Variants in PDZD9 observed in about 807,000 individuals in gnomAD.
The protein encoded by PDZD9 is PDZ domain-containing protein 9.
PDZD9 carries 13 observed loss-of-function variants against 16.3 expected under a neutral mutation model. The observed-to-expected ratio is 0.80, with a 90% CI of 0.52 to 1.27. The LOEUF (loss-of-function observed/expected upper bound fraction) is 1.27. Among genes scored for constraint, PDZD9 ranks in the 50% most tolerant of loss-of-function variants. The pLI, the probability that PDZD9 is intolerant of heterozygous loss-of-function variation, is 0.00. For synonymous variants in PDZD9, 120 were observed against 111.0 expected (o/e 1.08, Z -0.51); for missense variants, 288 against 310.9 (o/e 0.93, Z 0.55).
At chr16:21,988,926 G>C in intron 2 of PDZD9, 135 bp from the exon 3 acceptor site, 10 of 527,256 alleles carry the variant, frequency 1.9e-5, no homozygotes, top group Non-Finnish European at 2.4e-5. Flanking sequence ...CCAGGCTTCA[G>C]CCTTTTTTTT....
At position 21,988,843 on chromosome 16, in the gene PDZD9, A is replaced by G. The variant is rs140200215; in HGVS notation, c.212-52T>C. 2,464 of 1,414,256 alleles carry G rather than the reference A, an allele frequency of 1.7e-3. 61 individuals are homozygous for G. The East Asian group carries it at 0.05, about 29-fold the overall frequency. The allele number at this position is 1,414,256 out of a possible 1,614,324, so 87.6% of individuals were successfully genotyped here. On this transcript the variant is annotated intron_variant, in intron 2 of 3. Coordinates refer to ENST00000424898, the MANE Select transcript of PDZD9 (RefSeq NM_001363519.1). The stretch of plus-strand genomic sequence containing the variant: ...GTAAAACTAGAGGTTTAAAGGGACT[A>G]TATTGATTTCTGGCTTTATTGTGAG...
chr16:21,990,736 G>A (rs763176401), intron 2 of PDZD9, among the ~76,000 whole-genome samples: 5 of 152,220 alleles, frequency 3.3e-5, no homozygotes, highest in Admixed American at 3.3e-4. Context: ...TGAAAGCTAT[G>A]GCTTGGCATT....
chr16:21,986,325 G>A (rs906083360), intron 3 of PDZD9, among the ~76,000 whole-genome samples: 3 of 152,228 alleles, frequency 2.0e-5, no homozygotes, highest in African/African-American at 7.2e-5. Context: ...GTGGGTTTTC[G>A]CCTCTTACTT....
chr16:21,958,836 T>C, the PDZD9 span, among the ~76,000 whole-genome samples: 1 of 152,174 alleles, frequency 6.6e-6, no homozygotes. Context: ...ATGTTGCAGG[T>C]TCTGTTCCAG....
chr16:22,000,373 G>C (rs1285352313), intron 1 of PDZD9, among the ~76,000 whole-genome samples: 1 of 147,514 alleles, frequency 6.8e-6, no homozygotes, highest in Non-Finnish European at 1.5e-5. Context: ...AAAAAAAAAC[G>C]CTGTAAAAAA....
At chr16:21,967,023 A>G in the PDZD9 span, among the ~76,000 whole-genome samples, 1 of 152,162 alleles carries the variant, frequency 6.6e-6, no homozygotes, top group Admixed American at 6.5e-5. Context: ...TTTTTTTAAT[A>G]AAAGGTATGT....
chr16:21,991,624 A>G (rs571944914), intron 2 of PDZD9, among the ~76,000 whole-genome samples: 42 of 152,200 alleles, frequency 2.8e-4, no homozygotes, highest in Admixed American at 4.6e-4. Context: ...ATAAACTAAC[A>G]CTAAACTAAA....
the PDZD9 span, among the ~76,000 whole-genome samples, chr16:21,967,685 G>T: frequency 6.6e-6 from 1 of 152,120 alleles, no homozygotes; most frequent in African/African-American, 2.4e-5. Flanking sequence ...AGTCTGTAGG[G>T]TAAGTCCCAA....
the PDZD9 span, among the ~76,000 whole-genome samples, chr16:21,970,707 T>G: frequency 4.6e-5 from 7 of 152,186 alleles, no homozygotes; most frequent in African/African-American, 1.7e-4. Context: ...GGCCTCAGCC[T>G]CCCGAGTAGC....
At chr16:21,969,791 C>G in the PDZD9 span, among the ~76,000 whole-genome samples, 1 of 151,996 alleles carries the variant, frequency 6.6e-6, no homozygotes, top group South Asian at 2.1e-4. Context: ...CATCATCCCC[C>G]CAAAAGCCCC....
intron 2 of PDZD9, among the ~76,000 whole-genome samples, chr16:21,994,454 A>G (rs1331069550): frequency 2.0e-5 from 3 of 152,220 alleles, no homozygotes; most frequent in Non-Finnish European, 4.4e-5. Context: ...CTGAGAAAAC[A>G]CCTCTTGAAC....
the PDZD9 span, chr16:21,971,972 A>G: frequency 1.1e-5 from 17 of 1,614,146 alleles, no homozygotes; most frequent in Non-Finnish European, 1.4e-5. Context: ...CTGCTTTTGT[A>G]GCAGAAAGTG....
At chr16:21,976,688 C>G in the PDZD9 span, 2 of 153,018 alleles carry the variant, frequency 1.3e-5, no homozygotes, top group African/African-American at 4.8e-5. Context: ...CCTAATAACC[C>G]AGTCATCCAG....
the PDZD9 span, among the ~76,000 whole-genome samples, chr16:21,968,076 A>G: frequency 6.9e-6 from 1 of 143,924 alleles, no homozygotes; most frequent in Non-Finnish European, 1.5e-5. Context: ...ATCTCAGCTC[A>G]CTGCAACCTC....
downstream of PDZD9, chr16:21,980,543 A>G: frequency 3.1e-6 from 5 of 1,612,280 alleles, no homozygotes; most frequent in South Asian, 1.1e-5. Context: ...CTTTTATTGG[A>G]CAGGAACAAG....
the PDZD9 span, chr16:21,971,758 T>C: frequency 1.5e-6 from 2 of 1,322,896 alleles, no homozygotes; most frequent in Non-Finnish European, 2.1e-6. Context: ...GTGTTGTATT[T>C]TGAGCATATG....
the PDZD9 span, among the ~76,000 whole-genome samples, chr16:21,962,019 C>T: frequency 4.6e-5 from 7 of 152,124 alleles, no homozygotes; most frequent in African/African-American, 1.2e-4. Flanking sequence ...CATTCAGCTC[C>T]GGAACTTTTC....
chr16:21,962,661 A>T, the PDZD9 span: 57 of 1,595,582 alleles, frequency 3.6e-5, no homozygotes, highest in Non-Finnish European at 4.4e-5. Flanking sequence ...GCTTACCACA[A>T]GACCTAAAGT....
At chr16:21,965,930 T>C in the PDZD9 span, among the ~76,000 whole-genome samples, 1 of 152,160 alleles carries the variant, frequency 6.6e-6, no homozygotes, top group African/African-American at 2.4e-5. Flanking sequence ...GCAGTCCTTC[T>C]GCCTATGCCT....
Sources: allele counts gnomAD v4.1 joint callset (sites outside exome capture counted in the v4.1 genomes callset), GRCh38; gene constraint gnomAD v4.1.1; transcripts MANE v1.5; gene names NCBI Gene and HGNC (gene_info 2026-07-23, HGNC 2026-07-21).